TENM3: variants seen among roughly 807,000 people sequenced by gnomAD.
The protein encoded by TENM3 is teneurin-3.
Under a neutral mutation model 255.1 loss-of-function variants are expected in TENM3, and 63 were observed. The ratio of observed to expected loss-of-function variants is 0.25; its 90% CI spans 0.20 to 0.30. The LOEUF is 0.30. Among genes scored for constraint, TENM3 ranks in the 10% least tolerant of loss-of-function variants. TENM3 has a pLI of 1.00. For synonymous variants in TENM3, 1,306 were observed against 1,322.3 expected (o/e 0.99, Z 0.27); for missense variants, 2,929 against 3,461.1 (o/e 0.85, Z 3.86).
chr4:182,766,117 G>A (rs1167014996), intron 22 of TENM3, among the ~76,000 whole-genome samples: 2 of 152,140 alleles, frequency 1.3e-5, no homozygotes, highest in Non-Finnish European at 2.9e-5. Flanking sequence ...CCAGGGTGTG[G>A]GGTCTGTGTA....
chr4:182,017,968 T>A, the TENM3 span, among the ~76,000 whole-genome samples: 12 of 152,340 alleles, frequency 7.9e-5, no homozygotes, highest in Non-Finnish European at 1.2e-4. Flanking sequence ...TGATATTATA[T>A]GCAATGATAA....
rs77538054 is a variant in TENM3, at chr4:182,773,301, G to A, written c.4893-171G>A. On this transcript the variant is annotated intron_variant, in intron 22 of 27. Transcript: ENST00000511685. The stretch of plus-strand genomic sequence containing the variant: ...CCGGTGAGGTTTTTCTATGTTAAAC[G>A]GGTTTTTGATTACTTCAAAGCATGT... 0.016 allele frequency among the ~76,000 whole-genome samples: 2,414 copies of A among 152,266 alleles called. 60 individuals carry two copies. Among genetic ancestry groups the A allele is most frequent in the African/African-American group, 0.055 (2,302 of 41,538 alleles).
chr4:182,457,186 CAAAA>C (rs34395020), intron 3 of TENM3, among the ~76,000 whole-genome samples: 1 of 97,014 alleles, frequency 1.0e-5, no homozygotes, highest in Non-Finnish European at 2.0e-5. Context: ...CTCTGTCTCT[CAAAA>C]AAAAAAAAAA....
intron 5 of TENM3, among the ~76,000 whole-genome samples, chr4:182,647,785 T>G (rs1752885622): frequency 6.6e-6 from 1 of 152,188 alleles, no homozygotes. Context: ...TATTTAATTT[T>G]TTTGTGGAAT....
At chr4:182,363,172 C>G (rs1766149776) in intron 3 of TENM3, among the ~76,000 whole-genome samples, 1 of 152,108 alleles carries the variant, frequency 6.6e-6, no homozygotes, top group Non-Finnish European at 1.5e-5. Flanking sequence ...TAATGGAAAA[C>G]AGTTATTAGC....
intron 6 of TENM3, among the ~76,000 whole-genome samples, chr4:182,658,339 G>A (rs547368125): frequency 2.0e-4 from 30 of 152,240 alleles, no homozygotes; most frequent in African/African-American, 7.0e-4. Flanking sequence ...AAATACTGCT[G>A]TTTCTCAGGA....
chr4:181,577,214 T>C, the TENM3 span, among the ~76,000 whole-genome samples: 5 of 140,136 alleles, frequency 3.6e-5, no homozygotes, highest in African/African-American at 1.3e-4. Context: ...TATATATTTT[T>C]TTTTTAAGTA....
intron 3 of TENM3, among the ~76,000 whole-genome samples, chr4:182,579,665 T>C (rs907720500): frequency 2.6e-5 from 4 of 151,704 alleles, no homozygotes; most frequent in African/African-American, 9.7e-5. Context: ...ACATTGGCTG[T>C]AATGGATTTT....
At chr4:182,728,037 T>TG (rs201741978) in intron 13 of TENM3, among the ~76,000 whole-genome samples, 1,695 of 152,064 alleles carry the variant, frequency 0.011, 28 homozygotes, top group African/African-American at 0.037. Flanking sequence ...ATTTTAGAGA[T>TG]GGGGTTTCAC....
At chr4:181,857,486 G>T in the TENM3 span, among the ~76,000 whole-genome samples, 2 of 144,078 alleles carry the variant, frequency 1.4e-5, no homozygotes, top group African/African-American at 5.3e-5. Flanking sequence ...AGCCTGAGGC[G>T]GGAGAATCAC....
chr4:182,278,467 T>C (rs1760155275), intron 1 of TENM3, among the ~76,000 whole-genome samples: 1 of 152,118 alleles, frequency 6.6e-6, no homozygotes, highest in South Asian at 2.1e-4. Context: ...AAAATGGAAA[T>C]AGTACTAAGA....
intron 22 of TENM3, among the ~76,000 whole-genome samples, chr4:182,755,788 C>T (rs1762700929): frequency 3.3e-5 from 5 of 150,996 alleles, no homozygotes; most frequent in South Asian, 2.1e-4. Context: ...TGCAGTGAGC[C>T]GAGATCGCGC....
At chr4:182,181,565 G>T (rs1433624318) in intron 1 of TENM3, among the ~76,000 whole-genome samples, 3 of 152,136 alleles carry the variant, frequency 2.0e-5, no homozygotes, top group African/African-American at 4.8e-5. Flanking sequence ...GTAATATTCT[G>T]GAAGGAAATT....
chr4:182,612,760 CA>C (rs1749138731), intron 4 of TENM3, among the ~76,000 whole-genome samples: 1 of 152,096 alleles, frequency 6.6e-6, no homozygotes, highest in Non-Finnish European at 1.5e-5. Context: ...CACACACACA[CA>C]CACACACAGT....
chr4:182,702,734 T>G (rs1757971714), intron 12 of TENM3, among the ~76,000 whole-genome samples: 1 of 143,146 alleles, frequency 7.0e-6, no homozygotes, highest in African/African-American at 2.5e-5. Flanking sequence ...GCCCACGCTC[T>G]TTTTTTTTTT....
At chr4:182,607,766 A>G (rs552475354) in intron 4 of TENM3, among the ~76,000 whole-genome samples, 1 of 152,358 alleles carries the variant, frequency 6.6e-6, no homozygotes, top group South Asian at 2.1e-4. Context: ...TTGAAAGCGT[A>G]ATTTCAATAA....
At chr4:182,430,256 G>A (rs998092939) in intron 3 of TENM3, among the ~76,000 whole-genome samples, 52 of 151,756 alleles carry the variant, frequency 3.4e-4, no homozygotes, top group African/African-American at 1.1e-3. Context: ...CACTTAAAAA[G>A]AACGACTGTA....
At chr4:182,691,405 A>G (rs1175917495) in intron 12 of TENM3, among the ~76,000 whole-genome samples, 1 of 152,220 alleles carries the variant, frequency 6.6e-6, no homozygotes, top group Non-Finnish European at 1.5e-5. Flanking sequence ...AGCAAACAAA[A>G]ATTCCCACTA....
At chr4:182,598,598 C>G (rs1747519772) in intron 3 of TENM3, among the ~76,000 whole-genome samples, 2 of 152,208 alleles carry the variant, frequency 1.3e-5, no homozygotes, top group African/African-American at 4.8e-5. Flanking sequence ...AAAATCATTT[C>G]TCTTTCAGTA....
Sources: gnomAD v4.1 joint callset for allele counts (sites outside exome capture counted in the v4.1 genomes callset) on GRCh38, gnomAD v4.1.1 for gene constraint, MANE v1.5 for transcripts, NCBI Gene and HGNC (gene_info 2026-07-23, HGNC 2026-07-21) for gene names.